The following JARID2 variants were observed in gnomAD, a reference collection of about 807,000 sequenced individuals.
JARID2 encodes the protein jumonji and AT-rich interaction domain containing 2, also known as protein Jumonji.
In JARID2, 21 loss-of-function variants were observed where a neutral mutation model predicts 125.6. The ratio of observed to expected loss-of-function variants is 0.17; its 90% CI spans 0.12 to 0.24. JARID2 has a LOEUF of 0.24. Ranked by LOEUF, JARID2 falls within the 10% of genes least tolerant of loss-of-function variation. The probability of loss-of-function intolerance (pLI) is 1.00; values close to 1 mark genes in which losing one functional copy is unlikely to be tolerated. For missense variants in JARID2, 1,303 were observed against 1,639.6 expected (o/e 0.79, Z 3.55); for synonymous variants, 736 against 661.6 (o/e 1.11, Z -1.73).
At chr6:15,513,076 G>A (rs780838148) in intron 15 of JARID2, 31 bp downstream of exon 15, 2 of 1,613,010 alleles carry the variant, frequency 1.2e-6, no homozygotes, top group South Asian at 2.2e-5. Context: ...ACGCCAGAGA[G>A]CTGGACCCGG....
intron 1 of JARID2, among the ~76,000 whole-genome samples, chr6:15,290,833 T>G (rs794779): frequency 0.13 from 19,128 of 152,142 alleles, 1,225 homozygotes; most frequent in Non-Finnish European, 0.13. Flanking sequence ...TGTTAGCCAG[T>G]ATGGTCTCGA....
intron 1 of JARID2, among the ~76,000 whole-genome samples, chr6:15,289,285 A>C (rs548967883): frequency 1.3e-5 from 2 of 152,276 alleles, no homozygotes; most frequent in African/African-American, 4.8e-5. Flanking sequence ...AGAATGGTGC[A>C]TGCAGAACAC....
At chr6:15,333,071 T>A (rs926544857) in intron 1 of JARID2, among the ~76,000 whole-genome samples, 3 of 150,278 alleles carry the variant, frequency 2.0e-5, no homozygotes, top group Non-Finnish European at 3.0e-5. Flanking sequence ...AGCTTGGGAC[T>A]ACAGGCGCCC....
At chr6:15,265,683 C>G (rs1398706337) in intron 1 of JARID2, among the ~76,000 whole-genome samples, 1 of 152,148 alleles carries the variant, frequency 6.6e-6, no homozygotes, top group Non-Finnish European at 1.5e-5. Flanking sequence ...CTGCAGGGCT[C>G]TCCGTGAATG....
chr6:15,433,037 A>G (rs1029785214), intron 3 of JARID2, among the ~76,000 whole-genome samples: 2 of 152,162 alleles, frequency 1.3e-5, no homozygotes, highest in Non-Finnish European at 2.9e-5. Context: ...CATTTCTAGT[A>G]TGCTCCCAAG....
chr6:15,498,967 G>T (rs986732341), intron 7 of JARID2, among the ~76,000 whole-genome samples: 1 of 152,216 alleles, frequency 6.6e-6, no homozygotes, highest in African/African-American at 2.4e-5. Context: ...GGATGATGGA[G>T]CCTCGAGAGC....
chr6:15,459,602 AT>A (rs764880712), intron 4 of JARID2, among the ~76,000 whole-genome samples: 13 of 152,174 alleles, frequency 8.5e-5, no homozygotes, highest in Non-Finnish European at 1.9e-4. Flanking sequence ...GGAGAGGAAG[AT>A]TATTAGATTT....
chr6:15,358,454 T>C (rs757841821), intron 1 of JARID2, among the ~76,000 whole-genome samples: 2 of 152,152 alleles, frequency 1.3e-5, no homozygotes, highest in African/African-American at 2.4e-5. Context: ...GTTGGTGGAT[T>C]AGGACTGAAT....
chr6:15,368,023 C>T (rs1404454221), intron 1 of JARID2, among the ~76,000 whole-genome samples: 1 of 152,052 alleles, frequency 6.6e-6, no homozygotes, highest in Non-Finnish European at 1.5e-5. Flanking sequence ...CCTGTAAAGG[C>T]TTTTTCTTGG....
intron 3 of JARID2, among the ~76,000 whole-genome samples, chr6:15,446,829 A>G (rs1049380595): frequency 6.6e-6 from 1 of 152,182 alleles, no homozygotes; most frequent in African/African-American, 2.4e-5. Context: ...TGTGCTCACA[A>G]GGCTTTGCCT....
intron 3 of JARID2, among the ~76,000 whole-genome samples, chr6:15,428,944 A>ACC (rs1561857160): frequency 2.8e-5 from 4 of 144,716 alleles, no homozygotes; most frequent in African/African-American, 1.1e-4. Flanking sequence ...CCCCCCCAAA[A>ACC]AAAAAAAAAA....
chr6:15,319,361 T>C (rs1762277769), intron 1 of JARID2, among the ~76,000 whole-genome samples: 1 of 152,162 alleles, frequency 6.6e-6, no homozygotes, highest in Non-Finnish European at 1.5e-5. Context: ...CAGTAGCCAT[T>C]TTGTGTCTGA....
intron 1 of JARID2, among the ~76,000 whole-genome samples, chr6:15,284,869 A>G (rs1419199870): frequency 5.9e-5 from 9 of 152,120 alleles, no homozygotes; most frequent in Non-Finnish European, 1.3e-4. Flanking sequence ...TACTTTTGAA[A>G]GGCAGCAAAC....
intron 7 of JARID2, among the ~76,000 whole-genome samples, chr6:15,499,306 C>A (rs1472147129): frequency 6.6e-6 from 1 of 152,202 alleles, no homozygotes; most frequent in Non-Finnish European, 1.5e-5. Context: ...TCCCAGGGAG[C>A]CGCCGTGCCG....
At chr6:15,519,006 T>C (rs1771697918) in intron 17 of JARID2, among the ~76,000 whole-genome samples, 1 of 152,194 alleles carries the variant, frequency 6.6e-6, no homozygotes, top group Non-Finnish European at 1.5e-5. Context: ...CTGGGGAGTT[T>C]GGAGCCATTT....
intron 3 of JARID2, among the ~76,000 whole-genome samples, chr6:15,434,969 C>G (rs1767139713): frequency 1.3e-5 from 2 of 152,166 alleles, no homozygotes; most frequent in African/African-American, 4.8e-5. Context: ...TCTAGAAGCT[C>G]TGTTTGGTTC....
At chr6:15,419,835 G>A (rs956934218) in intron 3 of JARID2, among the ~76,000 whole-genome samples, 8 of 152,184 alleles carry the variant, frequency 5.3e-5, no homozygotes, top group Non-Finnish European at 1.2e-4. Flanking sequence ...GATACGATGT[G>A]CCTTGGCAGT....
intron 4 of JARID2, among the ~76,000 whole-genome samples, chr6:15,464,856 T>C (rs899279438): frequency 6.6e-6 from 1 of 152,214 alleles, no homozygotes; most frequent in Non-Finnish European, 1.5e-5. Flanking sequence ...ATCTTCTAGG[T>C]TGAAAACAAT....
At chr6:15,418,199 T>C (rs1012768792) in intron 3 of JARID2, among the ~76,000 whole-genome samples, 3 of 150,322 alleles carry the variant, frequency 2.0e-5, no homozygotes, top group South Asian at 4.2e-4. Context: ...TTGGGATCTC[T>C]TGTTAACTAT....
Sources: allele counts gnomAD v4.1 joint callset (sites outside exome capture counted in the v4.1 genomes callset), GRCh38; gene constraint gnomAD v4.1.1; transcripts MANE v1.5; gene names NCBI Gene and HGNC (gene_info 2026-07-23, HGNC 2026-07-21).